Variants in PCSK5 observed in about 807,000 individuals in gnomAD.
PCSK5 encodes prohormone convertase 5.
PCSK5 carries 129 observed loss-of-function variants against 233.2 expected under a neutral mutation model. The observed-to-expected ratio is 0.55, with a 90% confidence interval of 0.48 to 0.64. The LOEUF (loss-of-function observed/expected upper bound fraction) is 0.64, where lower values mean the gene tolerates loss of function less well. Ranked by LOEUF, PCSK5 falls within the 30% of genes least tolerant of loss-of-function variation. PCSK5 has a pLI of 0.00. For missense variants in PCSK5, 2,076 were observed against 2,430.1 expected, an observed-to-expected ratio of 0.85 and a Z score of 3.06; for synonymous variants, 825 against 879.2, an observed-to-expected ratio of 0.94 and a Z score of 1.09.
chr9:76,138,809 G>A (rs1489686507), intron 10 of PCSK5, among the ~76,000 whole-genome samples: 1 of 152,014 alleles, frequency 6.6e-6, no homozygotes, highest in Non-Finnish European at 1.5e-5. Flanking sequence ...TGAAAAAAAT[G>A]TCATTGAAAA....
chr9:76,032,258 A>C (rs1432400289), intron 5 of PCSK5, among the ~76,000 whole-genome samples: 1 of 152,186 alleles, frequency 6.6e-6, no homozygotes, highest in Non-Finnish European at 1.5e-5. Context: ...GCGTTTGTTT[A>C]TTCATTCAAG....
chr9:75,975,111 G>C (rs901427346), intron 2 of PCSK5, among the ~76,000 whole-genome samples: 1 of 152,236 alleles, frequency 6.6e-6, no homozygotes, highest in African/African-American at 2.4e-5. Flanking sequence ...CTTAAAAAGA[G>C]AAAGCGCAAA....
intron 7 of PCSK5, among the ~76,000 whole-genome samples, chr9:76,090,048 T>C (rs1831221915): frequency 6.6e-6 from 1 of 152,224 alleles, no homozygotes; most frequent in South Asian, 2.1e-4. Flanking sequence ...AACTAACTTT[T>C]AATGGAGCAC....
At chr9:76,167,992 T>C (rs778184607) in intron 12 of PCSK5, among the ~76,000 whole-genome samples, 8 of 152,212 alleles carry the variant, frequency 5.3e-5, no homozygotes, top group African/African-American at 9.6e-5. Context: ...TTTTTTTCAG[T>C]GAAATAATAG....
At chr9:76,043,335 C>CAAAAAA (rs71372040) in intron 5 of PCSK5, among the ~76,000 whole-genome samples, 1 of 64,008 alleles carries the variant, frequency 1.6e-5, no homozygotes, top group Admixed American at 2.1e-4. Flanking sequence ...GACTCCATCT[C>CAAAAAA]AAAAAAAAAA....
chr9:76,307,703 T>TGGGACAAAC (rs1472636316), intron 28 of PCSK5, among the ~76,000 whole-genome samples: 2 of 151,994 alleles, frequency 1.3e-5, no homozygotes, highest in Non-Finnish European at 2.9e-5. Flanking sequence ...AATTTTGATG[T>TGGGACAAAC]TTAACAATGA....
chr9:76,227,449 C>A, intron 20 of PCSK5, 54 bp from the exon 21 acceptor site: 1 of 1,269,870 alleles, frequency 7.9e-7, no homozygotes, highest in Non-Finnish European at 1.1e-6. Flanking sequence ...GACTGACAGC[C>A]CAGGCAGGCT....
In PCSK5 at chr9:76,015,679, C is replaced by T. The variant is rs7020578; in HGVS notation, c.412-8059C>T. Among the ~76,000 whole-genome samples the T allele has an allele frequency of 6.3e-3, 956 of 152,260 alleles. 15 individuals carry two copies. The highest frequency in any genetic ancestry group is 0.02 in the African/African-American group (850 of 41,544). On this transcript the variant is annotated intron_variant, in intron 3 of 37. Transcript: ENST00000674117. The stretch of plus-strand genomic sequence containing the variant: ...TCTTAATTTGCTTTAGAATCATATA[C>T]TGGACAACTTTAGGTGTTCTTATTG...
chr9:75,892,631 G>T (rs1825663179), intron 1 of PCSK5, among the ~76,000 whole-genome samples: 1 of 152,222 alleles, frequency 6.6e-6, no homozygotes, highest in South Asian at 2.1e-4. Flanking sequence ...CAGTTTCTGA[G>T]GCCATTGCGT....
In PCSK5 at chr9:76,360,017, G is replaced by C. The variant is rs913780420; in HGVS notation, c.*1095G>C. 1 of 152,052 alleles carries C rather than the reference G, an allele frequency of 6.6e-6. No individual in the cohort carries two copies. The highest frequency in any genetic ancestry group is 2.4e-5 in the African/African-American group (1 of 41,388). 9.4% of individuals were successfully genotyped at this position (152,052 alleles called of 1,614,324 possible). On this transcript the variant is annotated 3_prime_UTR_variant, in exon 38 of 38. Transcript: ENST00000674117. Reference sequence around the variant, plus strand: ...TTCCTTTTTTCCATTCTTCTGTCAAGTGTATTCTTGGATTCATGCAACTGA... The same window carrying C: ...TTCCTTTTTTCCATTCTTCTGTCAACTGTATTCTTGGATTCATGCAACTGA...
At chr9:75,900,883 G>A (rs773437076) in intron 1 of PCSK5, among the ~76,000 whole-genome samples, 97 of 151,928 alleles carry the variant, frequency 6.4e-4, no homozygotes, top group Non-Finnish European at 2.2e-4. Flanking sequence ...TGAGCTTTTT[G>A]AGAGGGCAGT....
At chr9:76,163,130 T>C (rs1822941115) in intron 12 of PCSK5, among the ~76,000 whole-genome samples, 1 of 152,248 alleles carries the variant, frequency 6.6e-6, no homozygotes, top group Non-Finnish European at 1.5e-5. Flanking sequence ...CCTGAAACTA[T>C]GGTCACTATT....
chr9:75,903,526 G>C (rs991763509), intron 1 of PCSK5, among the ~76,000 whole-genome samples: 1 of 142,444 alleles, frequency 7.0e-6, no homozygotes, highest in Non-Finnish European at 1.5e-5. Flanking sequence ...TTTATATTCT[G>C]TCTCTCTCTG....
In PCSK5 at chr9:76,217,694, G is replaced by A. The variant is rs962977137; in HGVS notation, c.2627-9809G>A. Among the ~76,000 whole-genome samples the A allele has an allele frequency of 4.6e-5, 7 of 152,220 alleles. No homozygotes were observed. In the South Asian group the frequency reaches 1.4e-3, roughly 32 times the overall value. ...TAGCTCATCGTCATCCGAGCACACAGTGGGAATGAGAGGAATCTCAAAAAG... is the reference window on the plus strand; with the variant it reads ...TAGCTCATCGTCATCCGAGCACACAATGGGAATGAGAGGAATCTCAAAAAG... On this transcript the variant is annotated intron_variant, in intron 20 of 37. Coordinates refer to ENST00000674117, the MANE Select transcript of PCSK5 (RefSeq NM_001372043.1).
intron 9 of PCSK5, among the ~76,000 whole-genome samples, chr9:76,127,079 G>A (rs543015736): frequency 6.6e-6 from 1 of 150,658 alleles, no homozygotes; most frequent in African/African-American, 2.4e-5. Context: ...ATCTAGAGAA[G>A]CATCATTTTA....
At chr9:76,161,828 T>G (rs2131824673) in intron 12 of PCSK5, among the ~76,000 whole-genome samples, 1 of 152,254 alleles carries the variant, frequency 6.6e-6, no homozygotes, top group South Asian at 2.1e-4. Flanking sequence ...AACACAAGAG[T>G]GCTGCGTGAC....
intron 2 of PCSK5, among the ~76,000 whole-genome samples, chr9:75,956,907 AC>A (rs1298031085): frequency 6.6e-6 from 1 of 152,188 alleles, no homozygotes; most frequent in Non-Finnish European, 1.5e-5. Flanking sequence ...ATTGTGAAAG[AC>A]CAATACTAGC....
At chr9:76,165,376 T>C (rs1023415757) in intron 12 of PCSK5, among the ~76,000 whole-genome samples, 1 of 152,230 alleles carries the variant, frequency 6.6e-6, no homozygotes, top group Admixed American at 6.5e-5. Context: ...TTATAAAACA[T>C]CTTGTTATTT....
intron 20 of PCSK5, among the ~76,000 whole-genome samples, chr9:76,204,698 T>C (rs958521106): frequency 4.6e-5 from 7 of 152,234 alleles, no homozygotes; most frequent in African/African-American, 1.7e-4. Flanking sequence ...TTTCTCATCG[T>C]TGCATACCCC....
Sources: allele counts gnomAD v4.1 joint callset (sites outside exome capture counted in the v4.1 genomes callset), GRCh38; gene constraint gnomAD v4.1.1; transcripts MANE v1.5; gene names NCBI Gene and HGNC (gene_info 2026-07-23, HGNC 2026-07-21).